Variants in SMARCAD1 observed in about 807,000 individuals in gnomAD.
SMARCAD1 encodes SNF2 related chromatin remodeling ATPase with DExD box 1.
In SMARCAD1, 25 loss-of-function variants were observed where a neutral mutation model predicts 127.1. That is an observed-to-expected ratio of 0.20 (90% CI 0.14 to 0.27). SMARCAD1 has a LOEUF of 0.27. Ranked by LOEUF, SMARCAD1 falls within the 10% of genes least tolerant of loss-of-function variation. The probability of loss-of-function intolerance (pLI) is 1.00; values close to 1 mark genes in which losing one functional copy is unlikely to be tolerated. For synonymous variants in SMARCAD1, 400 were observed against 396.9 expected (o/e 1.01, Z -0.09); for missense variants, 807 against 1,206.0 (o/e 0.67, Z 4.90).
In SMARCAD1 at chr4:94,250,741, C is replaced by T; in HGVS notation, c.808-11C>T. ...AGATTTTTAACAAAAAGATAAATGACTTATTTCTAGGAACTTAGAGAAGTA... is the reference window on the plus strand; with the variant it reads ...AGATTTTTAACAAAAAGATAAATGATTTATTTCTAGGAACTTAGAGAAGTA... On this transcript the variant is annotated splice_polypyrimidine_tract_variant and intron_variant, in intron 7 of 23. Transcript: ENST00000354268. 2 of 1,571,876 alleles carry T rather than the reference C, an allele frequency of 1.3e-6. No homozygotes were observed. Among genetic ancestry groups the T allele is most frequent in the South Asian group, 1.2e-5 (1 of 83,688 alleles).
At chr4:94,217,746 T>G (rs569543957) in intron 2 of SMARCAD1, among the ~76,000 whole-genome samples, 1 of 152,336 alleles carries the variant, frequency 6.6e-6, no homozygotes, top group African/African-American at 2.4e-5. Context: ...TAGATGAGTT[T>G]TATTATATCT....
chr4:94,220,565 T>C (rs916201170), intron 2 of SMARCAD1, among the ~76,000 whole-genome samples: 2 of 152,152 alleles, frequency 1.3e-5, no homozygotes, highest in African/African-American at 4.8e-5. Flanking sequence ...GTTTTCAAAG[T>C]GTGGTCTGTG....
chr4:94,269,242 T>G (rs1008094482), intron 10 of SMARCAD1, among the ~76,000 whole-genome samples: 48 of 152,218 alleles, frequency 3.2e-4, no homozygotes, highest in African/African-American at 1.2e-3. Context: ...TTTCAGAGTT[T>G]GATCCTTCAA....
At chr4:94,209,730 G>A (rs762097635) in intron 2 of SMARCAD1, among the ~76,000 whole-genome samples, 1 of 152,210 alleles carries the variant, frequency 6.6e-6, no homozygotes, top group Non-Finnish European at 1.5e-5. Context: ...CAAAGGCTTT[G>A]TCTAAGTAGT....
intron 16 of SMARCAD1, among the ~76,000 whole-genome samples, chr4:94,277,607 A>T (rs982031707): frequency 2.0e-5 from 3 of 152,222 alleles, no homozygotes; most frequent in Non-Finnish European, 4.4e-5. Flanking sequence ...AGTCACAACT[A>T]AAAGCGACAG....
At chr4:94,252,514 G>A in intron 8 of SMARCAD1, 102 bp from the exon 9 acceptor site, 1 of 729,506 alleles carries the variant, frequency 1.4e-6, no homozygotes, top group East Asian at 2.9e-5. Flanking sequence ...GAATTCTTCT[G>A]TATTCAATAG....
chr4:94,262,633 A>G (rs1024659752), intron 9 of SMARCAD1, among the ~76,000 whole-genome samples: 5 of 152,136 alleles, frequency 3.3e-5, no homozygotes, highest in African/African-American at 7.2e-5. Flanking sequence ...TTGCTTCTCT[A>G]GGTTCTGACA....
chr4:94,235,229 CTTTTTTTTT>C (rs35123705), intron 4 of SMARCAD1, among the ~76,000 whole-genome samples: 4 of 39,254 alleles, frequency 1.0e-4, no homozygotes, highest in Admixed American at 4.2e-4. Flanking sequence ...ACCACCAATC[CTTTTTTTTT>C]TTTTTTTTTT....
At chr4:94,227,384 T>C (rs1354438992) in intron 3 of SMARCAD1, among the ~76,000 whole-genome samples, 2 of 152,140 alleles carry the variant, frequency 1.3e-5, no homozygotes, top group Admixed American at 6.5e-5. Context: ...GTTTAAAAGG[T>C]CTTAATGACT....
chr4:94,237,176 G>A (rs1746793796), intron 5 of SMARCAD1, among the ~76,000 whole-genome samples, 158 bp downstream of exon 5: 1 of 152,124 alleles, frequency 6.6e-6, no homozygotes. Flanking sequence ...CCTAAAAAGG[G>A]AAGAAGTTTC....
chr4:94,256,944 G>A (rs1750189987), intron 9 of SMARCAD1, among the ~76,000 whole-genome samples: 1 of 152,014 alleles, frequency 6.6e-6, no homozygotes, highest in Admixed American at 6.6e-5. Context: ...TGGTAAGTGG[G>A]GATTTAATGA....
At chr4:94,217,935 A>C (rs1163803527) in intron 2 of SMARCAD1, among the ~76,000 whole-genome samples, 1 of 152,186 alleles carries the variant, frequency 6.6e-6, no homozygotes, top group South Asian at 2.1e-4. Flanking sequence ...CAAATCTAAC[A>C]ATCTGTGTGC....
chr4:94,255,344 A>G (rs1370395232), intron 9 of SMARCAD1, among the ~76,000 whole-genome samples: 1 of 152,062 alleles, frequency 6.6e-6, no homozygotes, highest in Non-Finnish European at 1.5e-5. Flanking sequence ...TGAATAAAGT[A>G]CATATATACA....
At chr4:94,244,680 G>A (rs1748134693) in intron 6 of SMARCAD1, among the ~76,000 whole-genome samples, 1 of 151,742 alleles carries the variant, frequency 6.6e-6, no homozygotes, top group South Asian at 2.1e-4. Context: ...AAAAATGTAT[G>A]GATGGCTGCC....
At chr4:94,208,169 A>G (rs1741536574) in intron 1 of SMARCAD1, 99 bp downstream of exon 1, 1 of 684,492 alleles carries the variant, frequency 1.5e-6, no homozygotes, top group South Asian at 1.5e-5. Context: ...GAAAATTTTA[A>G]AAGATACCCC....
At chr4:94,268,480 C>T (rs759489098) in intron 10 of SMARCAD1, among the ~76,000 whole-genome samples, 21 of 152,014 alleles carry the variant, frequency 1.4e-4, no homozygotes, top group Admixed American at 1.1e-3. Context: ...TTTCATTAGT[C>T]GTAAATTGTG....
intron 3 of SMARCAD1, among the ~76,000 whole-genome samples, chr4:94,232,174 T>A (rs1469441909): frequency 6.6e-6 from 1 of 152,152 alleles, no homozygotes; most frequent in African/African-American, 2.4e-5. Context: ...GTTTTTCTTT[T>A]TCTTCATGAC....
chr4:94,280,973 A>G (rs1044059234), intron 20 of SMARCAD1, among the ~76,000 whole-genome samples, 193 bp downstream of exon 20: 4 of 126,912 alleles, frequency 3.2e-5, no homozygotes, highest in Non-Finnish European at 7.0e-5. Context: ...GACAAAAACA[A>G]TAGAAAGTTA....
intron 14 of SMARCAD1, among the ~76,000 whole-genome samples, chr4:94,275,663 A>C (rs1050449770): frequency 6.6e-6 from 1 of 152,136 alleles, no homozygotes; most frequent in South Asian, 2.1e-4. Context: ...AAAGAGAAAC[A>C]TGTTTTAGCT....
Sources: gnomAD v4.1 joint callset for allele counts (sites outside exome capture counted in the v4.1 genomes callset) on GRCh38, gnomAD v4.1.1 for gene constraint, MANE v1.5 for transcripts, NCBI Gene and HGNC (gene_info 2026-07-23, HGNC 2026-07-21) for gene names.